RCSD1: variants seen among roughly 807,000 people sequenced by gnomAD.
RCSD1 encodes capZ-interacting protein.
RCSD1 carries 26 observed loss-of-function variants against 42.5 expected under a neutral mutation model. That is an observed-to-expected ratio of 0.61 (90% CI 0.45 to 0.85). The LOEUF (loss-of-function observed/expected upper bound fraction) is 0.85, where lower values mean the gene tolerates loss of function less well. Among genes scored for constraint, RCSD1 ranks in the 40% least tolerant of loss-of-function variants. The pLI, the probability that RCSD1 is intolerant of heterozygous loss-of-function variation, is 0.00. For synonymous variants in RCSD1, 220 were observed against 212.2 expected (o/e 1.04, Z -0.32); for missense variants, 571 against 528.3 (o/e 1.08, Z -0.79).
At chr1:167,694,654 A>G (rs923001896) in intron 5 of RCSD1, among the ~76,000 whole-genome samples, 1 of 152,204 alleles carries the variant, frequency 6.6e-6, no homozygotes, top group Non-Finnish European at 1.5e-5. Flanking sequence ...CGCAAAAGCT[A>G]AAGGCCTGAT....
chr1:167,691,709 G>A (rs1276003028), intron 4 of RCSD1, among the ~76,000 whole-genome samples: 2 of 152,258 alleles, frequency 1.3e-5, no homozygotes, highest in African/African-American at 2.4e-5. Context: ...TGGGGGTTAA[G>A]GCAAGCATCT....
chr1:167,635,554 G>A (rs1429319461), intron 1 of RCSD1, among the ~76,000 whole-genome samples: 1 of 152,198 alleles, frequency 6.6e-6, no homozygotes, highest in African/African-American at 2.4e-5. Context: ...TGGCGCGCGC[G>A]GTTCCGTGGG....
intron 5 of RCSD1, 99 bp from the exon 6 acceptor site, chr1:167,697,000 T>A: frequency 9.0e-7 from 1 of 1,115,928 alleles, no homozygotes; most frequent in Non-Finnish European, 1.3e-6. Context: ...CGTGGACTTG[T>A]GAAGCAGTGC....
Position 167,685,508 on chromosome 1 carries a change from G to C in RCSD1, c.196G>C (p.Glu66Gln). 6.2e-7 allele frequency: 1 copy of C among 1,613,466 alleles called. No homozygotes were observed. The highest frequency in any genetic ancestry group is 1.1e-5 in the South Asian group (1 of 91,034). The change falls in exon 3 of 7, where the codon GAG becomes CAG. Residue 66 changes from glutamate (E) to glutamine (Q), a missense_variant and splice_region_variant. Physicochemically the swap from Glu to Gln is conservative, Grantham distance 29 (BLOSUM62 2). Transcript: ENST00000367854. ...PKVDLGQNGEEKSPPNASHPP... is the reference protein window; with the variant it reads ...PKVDLGQNGEQKSPPNASHPP... ...GGTAGACCTGGGCCAGAATGGTGAG[G>C]AGGTAAGTGCTGCTGTTGGGGCTCA...
chr1:167,632,829 A>G (rs2102190831), intron 1 of RCSD1, among the ~76,000 whole-genome samples: 1 of 152,304 alleles, frequency 6.6e-6, no homozygotes, highest in Admixed American at 6.5e-5. Context: ...TGCAACTGCT[A>G]GTGAAGAAAG....
At chr1:167,685,659 T>G in intron 3 of RCSD1, 149 bp downstream of exon 3, 1 of 630,218 alleles carries the variant, frequency 1.6e-6, no homozygotes, top group Non-Finnish European at 2.8e-6. Flanking sequence ...AATCTCCTCT[T>G]AAATGTTTCC....
chr1:167,670,206 G>A (rs1241538091), intron 1 of RCSD1, among the ~76,000 whole-genome samples: 1 of 152,142 alleles, frequency 6.6e-6, no homozygotes, highest in Non-Finnish European at 1.5e-5. Flanking sequence ...ACAGTAGAGA[G>A]TCAGAGTAGT....
intron 1 of RCSD1, among the ~76,000 whole-genome samples, chr1:167,644,866 T>C (rs1340913648): frequency 6.6e-6 from 1 of 152,236 alleles, no homozygotes; most frequent in Admixed American, 6.5e-5. Flanking sequence ...TCCTGATCTT[T>C]CCAACTGAGT....
intron 1 of RCSD1, among the ~76,000 whole-genome samples, chr1:167,681,945 C>A (rs1659092753): frequency 1.3e-5 from 2 of 152,186 alleles, no homozygotes; most frequent in South Asian, 4.1e-4. Flanking sequence ...GGGCCTCGCA[C>A]TCCTCGGCTT....
chr1:167,641,952 A>G (rs1658016088), intron 1 of RCSD1: 1 of 152,190 alleles, frequency 6.6e-6, no homozygotes, highest in Non-Finnish European at 1.5e-5. Context: ...CTGCAAGTCC[A>G]TTGAGGGTTG....
chr1:167,679,388 A>T (rs1372450818), intron 1 of RCSD1, among the ~76,000 whole-genome samples: 5 of 152,234 alleles, frequency 3.3e-5, no homozygotes, highest in Admixed American at 3.3e-4. Flanking sequence ...AACCCTTTCC[A>T]TCCTCCTAGG....
chr1:167,638,642 G>C (rs1477297076), intron 1 of RCSD1, among the ~76,000 whole-genome samples: 2 of 152,176 alleles, frequency 1.3e-5, no homozygotes, highest in Admixed American at 6.5e-5. Flanking sequence ...TCAAGGCTTG[G>C]TGCTTGTAAG....
At chr1:167,672,479 A>G (rs555403564) in intron 1 of RCSD1, among the ~76,000 whole-genome samples, 2 of 152,264 alleles carry the variant, frequency 1.3e-5, no homozygotes, top group East Asian at 3.9e-4. Flanking sequence ...TAGGGAAGAA[A>G]CCATTTTCTT....
chr1:167,674,440 G>A (rs893056163), intron 1 of RCSD1, among the ~76,000 whole-genome samples: 1 of 148,612 alleles, frequency 6.7e-6, no homozygotes. Context: ...CTGGCTGTAA[G>A]GACCTGACAA....
chr1:167,696,169 G>T (rs185536900), intron 5 of RCSD1, among the ~76,000 whole-genome samples: 2 of 151,912 alleles, frequency 1.3e-5, no homozygotes, highest in Non-Finnish European at 2.9e-5. Context: ...GGGCCTGGCC[G>T]TCAGCAGGTC....
At chr1:167,691,985 A>T (rs1245438667) in intron 4 of RCSD1, among the ~76,000 whole-genome samples, 1 of 152,200 alleles carries the variant, frequency 6.6e-6, no homozygotes, top group Non-Finnish European at 1.5e-5. Context: ...AGCCCACCCT[A>T]GCCCTCATTC....
intron 1 of RCSD1, among the ~76,000 whole-genome samples, chr1:167,647,130 CA>C (rs5778560): frequency 1.8e-5 from 2 of 112,550 alleles, no homozygotes; most frequent in Non-Finnish European, 3.5e-5. Context: ...AACTCCATCT[CA>C]AAAAAAAAGA....
chr1:167,632,884 G>C (rs910352887), intron 1 of RCSD1, among the ~76,000 whole-genome samples: 11 of 152,132 alleles, frequency 7.2e-5, no homozygotes, highest in Non-Finnish European at 4.4e-5. Context: ...TTCTTAGCCA[G>C]GAAGTAAACT....
At chr1:167,654,993 G>A (rs1658390696) in intron 1 of RCSD1, among the ~76,000 whole-genome samples, 1 of 152,060 alleles carries the variant, frequency 6.6e-6, no homozygotes, top group South Asian at 2.1e-4. Context: ...TTCTCCAGAT[G>A]GGCCTGTCAT....
Sources: allele counts gnomAD v4.1 joint callset (sites outside exome capture counted in the v4.1 genomes callset), GRCh38; gene constraint gnomAD v4.1.1; transcripts MANE v1.5; gene names NCBI Gene and HGNC (gene_info 2026-07-23, HGNC 2026-07-21).